The following MEIOB variants were observed in gnomAD, a reference collection of about 807,000 sequenced individuals.
MEIOB encodes meiosis-specific with OB domain-containing protein.
Under a neutral mutation model 53.1 loss-of-function variants are expected in MEIOB, and 50 were observed. The ratio of observed to expected loss-of-function variants is 0.94; its 90% CI spans 0.75 to 1.19. The LOEUF (loss-of-function observed/expected upper bound fraction) is 1.19. MEIOB is among the 50% of genes most tolerant of loss of function. The probability of loss-of-function intolerance (pLI) is 0.00; values close to 1 mark genes in which losing one functional copy is unlikely to be tolerated. For missense variants in MEIOB, 551 were observed against 550.8 expected (o/e 1.00, Z 0.00); for synonymous variants, 192 against 182.5 (o/e 1.05, Z -0.42).
At chr16:1,850,405 C>A (rs1354765822) in intron 9 of MEIOB, among the ~76,000 whole-genome samples, 2 of 151,622 alleles carry the variant, frequency 1.3e-5, no homozygotes, top group African/African-American at 2.4e-5. Flanking sequence ...ATGGTGAAAC[C>A]CCGTCTCTAC....
intron 9 of MEIOB, among the ~76,000 whole-genome samples, chr16:1,846,525 CA>C (rs1899029771): frequency 6.6e-6 from 1 of 152,118 alleles, no homozygotes; most frequent in African/African-American, 2.4e-5. Flanking sequence ...TAACTATTTA[CA>C]ATAGCAAAGA....
intron 1 of MEIOB, among the ~76,000 whole-genome samples, chr16:1,871,777 G>C (rs974357957): frequency 6.4e-5 from 5 of 78,620 alleles, no homozygotes; most frequent in African/African-American, 2.6e-4. Context: ...GGCCAACATG[G>C]TGAAACCCCG....
rs202147878 is a variant in MEIOB at position 1,842,623 on chromosome 16, C to CAAAAAAAAAAA, written c.881-651_881-650insTTTTTTTTTTT. ...GGGCAACAAGAGCAAAACTCCATCT[C>CAAAAAAAAAAA]AAAAAGACAGTGACTCGATTTTTTT... is the stretch of plus-strand genomic sequence containing the variant. On this transcript the variant is annotated intron_variant, in intron 10 of 13. Coordinates refer to ENST00000325962, the MANE Select transcript of MEIOB (RefSeq NM_001163560.3). Among the ~76,000 whole-genome samples, 12 of 97,776 alleles carry CAAAAAAAAAAA rather than the reference C, an allele frequency of 1.2e-4. 1 individual carries two copies. The highest frequency in any genetic ancestry group is 4.0e-4 in the East Asian group (1 of 2,494). 64.1% of individuals were successfully genotyped at this position (97,776 alleles called of 152,430 possible). A position where few individuals can be genotyped will look rare whatever the true frequency, so the allele number is the denominator to read the frequency against.
At chr16:1,835,598 T>C (rs1898723170) in intron 13 of MEIOB, among the ~76,000 whole-genome samples, 2 of 152,178 alleles carry the variant, frequency 1.3e-5, no homozygotes, top group South Asian at 4.1e-4. Flanking sequence ...GTTGTGGTAG[T>C]CTGACATTGG....
At chr16:1,865,655 A>G (rs1899575478) in intron 3 of MEIOB, 123 bp downstream of exon 3, 1 of 672,880 alleles carries the variant, frequency 1.5e-6, no homozygotes, top group Non-Finnish European at 2.5e-6. Context: ...TCCAATAGAG[A>G]GCATGACCAT....
intron 10 of MEIOB, among the ~76,000 whole-genome samples, chr16:1,842,429 A>G (rs968631057): frequency 6.1e-5 from 9 of 147,978 alleles, no homozygotes; most frequent in Non-Finnish European, 1.2e-4. Flanking sequence ...AGCCTGACCA[A>G]CATGGAGAAA....
intron 1 of MEIOB, among the ~76,000 whole-genome samples, chr16:1,869,604 C>T (rs1156782239): frequency 3.3e-5 from 5 of 151,772 alleles, no homozygotes; most frequent in East Asian, 1.9e-4. Flanking sequence ...CCTGCCACCA[C>T]GCCTGGCTAA....
At chr16:1,845,274 C>A (rs1208189566) in intron 9 of MEIOB, among the ~76,000 whole-genome samples, 2 of 152,200 alleles carry the variant, frequency 1.3e-5, no homozygotes, top group Admixed American at 1.3e-4. Context: ...AATCCCAGCA[C>A]TTTGGGAGGC....
rs759300021 is a variant in MEIOB at position 1,837,876 on chromosome 16, TA to T, written c.1219-7del. ...ATTGCAAGAAACTCATGTACCTGGTTAAAAAAAAAATATGAGACAAATATAT... is the reference window on the plus strand; with the variant it reads ...ATTGCAAGAAACTCATGTACCTGGTTAAAAAAAAATATGAGACAAATATAT... On this transcript the variant is annotated splice_region_variant and splice_polypyrimidine_tract_variant and intron_variant, in intron 12 of 13. Coordinates refer to ENST00000325962, the MANE Select transcript of MEIOB (RefSeq NM_001163560.3). 2.8e-3 allele frequency: 3,671 copies of T among 1,319,578 alleles called. No individual in the cohort carries two copies. Among genetic ancestry groups the T allele is most frequent in the South Asian group, 5.1e-3 (335 of 65,362 alleles). The allele number at this position is 1,319,578 out of a possible 1,614,324, so 81.7% of individuals were successfully genotyped here.
At chr16:1,837,399 TCTCA>T (rs1314816783) in intron 13 of MEIOB, among the ~76,000 whole-genome samples, 3 of 152,038 alleles carry the variant, frequency 2.0e-5, no homozygotes, top group African/African-American at 7.2e-5. Context: ...AAGAGAGGGG[TCTCA>T]CTATGTTGCC....
At chr16:1,837,251 T>G (rs62038400) in intron 13 of MEIOB, among the ~76,000 whole-genome samples, 1 of 151,942 alleles carries the variant, frequency 6.6e-6, no homozygotes, top group African/African-American at 2.4e-5. Context: ...GGGATTAGGA[T>G]TCAGACCAAA....
chr16:1,834,270 G>A lies in MEIOB; in HGVS notation c.1402C>T (p.Gln468Ter), dbSNP rs1218599660. 1.3e-6 allele frequency: 2 copies of A among 1,598,728 alleles called. No individual in the cohort carries two copies. Among genetic ancestry groups the A allele is most frequent in the Non-Finnish European group, 1.7e-6 (2 of 1,167,406 alleles). ...PTEASRNLSG[Q>*]KHV is the part of the protein sequence containing the mutation. ...GATAGACCGTTTTAAACATGTTTTT[G>A]TCCAGACAAGTTTCTGCTTGCCTCA... The change falls in exon 14 of 14, where the codon CAA (glutamine) becomes TAA (stop). Residue 468 changes from glutamine to a stop codon, truncating the protein, a stop_gained. Coordinates refer to ENST00000325962, the MANE Select transcript of MEIOB (RefSeq NM_001163560.3). LOFTEE classifies it high-confidence loss of function.
chr16:1,855,046 C>G (rs1899265764), intron 6 of MEIOB, among the ~76,000 whole-genome samples: 2 of 151,992 alleles, frequency 1.3e-5, no homozygotes, highest in South Asian at 4.2e-4. Context: ...AGCCTAACAT[C>G]TGGGGTTGGG....
intron 6 of MEIOB, among the ~76,000 whole-genome samples, chr16:1,855,675 T>C (rs910194749): frequency 1.8e-4 from 28 of 152,228 alleles, no homozygotes; most frequent in Non-Finnish European, 3.4e-4. Flanking sequence ...TCGCAAACAA[T>C]TGAGCACTCC....
intron 6 of MEIOB, among the ~76,000 whole-genome samples, chr16:1,856,471 C>A (rs926577210): frequency 6.6e-6 from 1 of 152,108 alleles, no homozygotes; most frequent in Non-Finnish European, 1.5e-5. Context: ...AGGCGCCCAC[C>A]ACCTCACCTG....
chr16:1,862,102 T>C lies in MEIOB; in HGVS notation c.142A>G (p.Arg48Gly). 3 of 1,551,002 alleles carry C rather than the reference T, an allele frequency of 1.9e-6. No individual in the cohort carries two copies. The highest frequency in any genetic ancestry group is 2.6e-6 in the Non-Finnish European group (3 of 1,146,574). Reference sequence around the variant, plus strand: ...CGAATGGTGAAGCTGAAAGTGTACCTTTCTGATCCAATATCTAAGGGAAAA... The same window carrying C: ...CGAATGGTGAAGCTGAAAGTGTACCCTTCTGATCCAATATCTAAGGGAAAA... The part of the protein sequence containing the change: ...FPDRKNIGSE[R>G]YTFSFTIRDS... Residue 48 changes from arginine (R) to glycine (G), a missense_variant, in exon 4 of 14, where the codon AGG (arginine) becomes GGG (glycine). By Grantham distance (125) the Arg-to-Gly change is moderately radical. Transcript: ENST00000325962.
At chr16:1,836,126 T>G (rs148137006) in intron 13 of MEIOB, among the ~76,000 whole-genome samples, 1 of 152,210 alleles carries the variant, frequency 6.6e-6, no homozygotes, top group Non-Finnish European at 1.5e-5. Flanking sequence ...ATCTTACTGG[T>G]CCCCTCATTA....
At chr16:1,839,659 T>C (rs1898848288) in intron 11 of MEIOB, 1 of 466,014 alleles carries the variant, frequency 2.1e-6, no homozygotes, top group Admixed American at 3.9e-5. Flanking sequence ...ACCAGTCCTC[T>C]GCCTGCCCTC....
At chr16:1,866,377 T>G (rs1490011577) in intron 2 of MEIOB, among the ~76,000 whole-genome samples, 1 of 152,220 alleles carries the variant, frequency 6.6e-6, no homozygotes, top group African/African-American at 2.4e-5. Context: ...CTCAAAATGT[T>G]TAATGTTCTC....
Sources: allele counts gnomAD v4.1 joint callset (sites outside exome capture counted in the v4.1 genomes callset), GRCh38; gene constraint gnomAD v4.1.1; transcripts MANE v1.5; gene names NCBI Gene and HGNC (gene_info 2026-07-23, HGNC 2026-07-21).